The following TNIK variants were observed in gnomAD, a reference collection of about 807,000 sequenced individuals.
TNIK encodes the protein TRAF2 and NCK-interacting protein kinase.
In TNIK, 49 loss-of-function variants were observed where a neutral mutation model predicts 191.3. The ratio of observed to expected loss-of-function variants is 0.26; its 90% CI spans 0.20 to 0.32. TNIK has a LOEUF of 0.32. TNIK is among the 10% of genes least tolerant of loss of function. TNIK has a pLI of 1.00. For synonymous variants in TNIK, 594 were observed against 600.9 expected, an observed-to-expected ratio of 0.99 and a Z score of 0.17; for missense variants, 1,155 against 1,702.3, an observed-to-expected ratio of 0.68 and a Z score of 5.66.
chr3:171,427,185 C>T (rs986420662), intron 1 of TNIK, among the ~76,000 whole-genome samples: 1 of 152,170 alleles, frequency 6.6e-6, no homozygotes, highest in East Asian at 1.9e-4. Flanking sequence ...AGGTCTACTT[C>T]ATACCTTTCC....
chr3:171,414,285 T>C (rs1010531504), intron 1 of TNIK, among the ~76,000 whole-genome samples: 2 of 152,230 alleles, frequency 1.3e-5, no homozygotes, highest in Non-Finnish European at 2.9e-5. Flanking sequence ...AGTTCAGATA[T>C]GCTGGTTTGA....
At chr3:171,316,937 TATATGATATATATCATATAAA>T (rs1424029202) in intron 2 of TNIK, among the ~76,000 whole-genome samples, 2 of 133,504 alleles carry the variant, frequency 1.5e-5, no homozygotes, top group African/African-American at 5.6e-5. Flanking sequence ...AATATATAAT[TATATGATATATATCATATAAA>T]ATATATAATT....
At chr3:171,276,333 C>T (rs144793938) in intron 2 of TNIK, among the ~76,000 whole-genome samples, 1 of 152,080 alleles carries the variant, frequency 6.6e-6, no homozygotes, top group African/African-American at 2.4e-5. Flanking sequence ...GGAGGAACTT[C>T]CAGAGTGACA....
intron 11 of TNIK, among the ~76,000 whole-genome samples, chr3:171,158,693 T>C (rs994479839): frequency 6.6e-6 from 1 of 152,232 alleles, no homozygotes; most frequent in Non-Finnish European, 1.5e-5. Flanking sequence ...TTTAAAGTTA[T>C]CTTCTTATGG....
intron 2 of TNIK, among the ~76,000 whole-genome samples, chr3:171,304,433 A>G (rs1383739951): frequency 6.6e-6 from 1 of 152,170 alleles, no homozygotes. Context: ...TAGTTCAACC[A>G]TTGTGGAAGT....
chr3:171,291,162 G>A (rs1026997285), intron 2 of TNIK, among the ~76,000 whole-genome samples: 13 of 152,086 alleles, frequency 8.5e-5, no homozygotes, highest in Middle Eastern at 3.4e-3. Flanking sequence ...TCCTCCCACC[G>A]CCATAGTACT....
At chr3:171,422,965 A>C (rs1035613515) in intron 1 of TNIK, among the ~76,000 whole-genome samples, 1 of 152,208 alleles carries the variant, frequency 6.6e-6, no homozygotes, top group East Asian at 1.9e-4. Flanking sequence ...CCCAGGTTGA[A>C]CTTTCCCTTT....
intron 1 of TNIK, among the ~76,000 whole-genome samples, chr3:171,415,289 A>G (rs1722913078): frequency 6.6e-6 from 1 of 152,170 alleles, no homozygotes; most frequent in African/African-American, 2.4e-5. Context: ...CTTAACCACT[A>G]CTAGACATTT....
At chr3:171,335,540 G>T (rs1222862308) in intron 2 of TNIK, among the ~76,000 whole-genome samples, 4 of 152,140 alleles carry the variant, frequency 2.6e-5, no homozygotes, top group African/African-American at 7.2e-5. Flanking sequence ...TTTGAGGCTG[G>T]CTTCTTTCAC....
intron 2 of TNIK, among the ~76,000 whole-genome samples, chr3:171,266,770 T>C (rs149305966): frequency 6.6e-6 from 1 of 152,346 alleles, no homozygotes; most frequent in East Asian, 1.9e-4. Flanking sequence ...TTCCTTCCTC[T>C]GGCCTTTCTT....
chr3:171,355,642 A>G (rs989904265), intron 2 of TNIK, among the ~76,000 whole-genome samples: 9 of 152,212 alleles, frequency 5.9e-5, no homozygotes, highest in African/African-American at 2.2e-4. Flanking sequence ...ACTTGTCATG[A>G]AAGTATCTGA....
chr3:171,274,453 T>C (rs1027505953), intron 2 of TNIK, among the ~76,000 whole-genome samples: 2 of 152,176 alleles, frequency 1.3e-5, no homozygotes, highest in African/African-American at 2.4e-5. Flanking sequence ...TGAGAAGATA[T>C]CTTCTACAGC....
chr3:171,068,798 T>C (rs978781062), intron 30 of TNIK, 50 bp downstream of exon 30: 3 of 1,536,666 alleles, frequency 2.0e-6, no homozygotes, highest in African/African-American at 2.8e-5. Context: ...TCTTTCTACA[T>C]GCAGGCTGTT....
intron 3 of TNIK, among the ~76,000 whole-genome samples, chr3:171,213,566 A>G (rs1173287016): frequency 1.3e-5 from 2 of 152,340 alleles, no homozygotes; most frequent in East Asian, 3.9e-4. Flanking sequence ...CATGTCATTA[A>G]GAAAATAAGA....
At chr3:171,281,272 T>TA (rs1395884607) in intron 2 of TNIK, among the ~76,000 whole-genome samples, 1 of 152,066 alleles carries the variant, frequency 6.6e-6, no homozygotes, top group East Asian at 1.9e-4. Flanking sequence ...CTTTCTCATA[T>TA]AAAAAACCTT....
chr3:171,090,555 A>G (rs1193412482), intron 23 of TNIK, among the ~76,000 whole-genome samples: 14 of 152,154 alleles, frequency 9.2e-5, no homozygotes, highest in Admixed American at 9.2e-4. Context: ...AAAAGATACC[A>G]GGAAGGTGCT....
Position 171,460,004 on chromosome 3 carries a change from C to T in TNIK, c.57+3G>A, listed in dbSNP as rs1215829835. ...GAAAGAAACCAGAAAACGTCCTGCTCACCCTCAGAGCCGAGAGATCTATTT... is the reference window on the plus strand; with the variant it reads ...GAAAGAAACCAGAAAACGTCCTGCTTACCCTCAGAGCCGAGAGATCTATTT... On this transcript the variant is annotated splice_donor_region_variant and intron_variant, in intron 1 of 32. Coordinates refer to ENST00000436636, the MANE Select transcript of TNIK (RefSeq NM_015028.4). This position sits in a 1 kb window ranked among gnomAD's most constrained non-coding sequence, Gnocchi z 6.8. 1.2e-6 allele frequency: 2 copies of T among 1,608,208 alleles called. No individual in the cohort carries two copies. Among genetic ancestry groups the T allele is most frequent in the Admixed American group, 3.4e-5 (2 of 59,412 alleles).
intron 1 of TNIK, among the ~76,000 whole-genome samples, chr3:171,404,776 G>C (rs989495013): frequency 1.3e-5 from 2 of 152,134 alleles, no homozygotes; most frequent in Admixed American, 1.3e-4. Context: ...ATTTTTCCAA[G>C]CTCATAATTG....
chr3:171,235,730 T>TTTG (rs201913677), intron 2 of TNIK, among the ~76,000 whole-genome samples: 7 of 150,806 alleles, frequency 4.6e-5, no homozygotes, highest in East Asian at 2.0e-4. Flanking sequence ...ACCATATGTT[T>TTTG]TTGTTGTTGT....
Sources: gnomAD v4.1 joint callset for allele counts (sites outside exome capture counted in the v4.1 genomes callset) on GRCh38, gnomAD v4.1.1 for gene constraint, Gnocchi (gnomAD v3.1) non-coding constraint, MANE v1.5 for transcripts, NCBI Gene and HGNC (gene_info 2026-07-23, HGNC 2026-07-21) for gene names.